Variants in DLG2 observed in about 807,000 individuals in gnomAD.
The protein encoded by DLG2 is disks large homolog 2.
Under a neutral mutation model 132.5 loss-of-function variants are expected in DLG2, and 45 were observed. That is an observed-to-expected ratio of 0.34 (90% confidence interval 0.27 to 0.44). The LOEUF is 0.44. Among genes scored for constraint, DLG2 ranks in the 20% least tolerant of loss-of-function variants. The pLI is 1.00. For synonymous variants in DLG2, 424 were observed against 419.6 expected, an observed-to-expected ratio of 1.01 and a Z score of -0.13; for missense variants, 1,045 against 1,196.9, an observed-to-expected ratio of 0.87 and a Z score of 1.87.
chr11:84,300,773 C>T (rs538992720), intron 7 of DLG2, among the ~76,000 whole-genome samples: 1 of 152,184 alleles, frequency 6.6e-6, no homozygotes, highest in Admixed American at 6.5e-5. Flanking sequence ...AATTTTTAAC[C>T]TATCAAATTA....
chr11:84,995,176 G>C (rs1235847769), intron 6 of DLG2, among the ~76,000 whole-genome samples: 4 of 152,162 alleles, frequency 2.6e-5, no homozygotes, highest in Non-Finnish European at 4.4e-5. Flanking sequence ...TTTATAAATA[G>C]AGTAAGTAAG....
intron 7 of DLG2, among the ~76,000 whole-genome samples, chr11:84,477,314 G>C (rs572918785): frequency 3.9e-5 from 6 of 152,080 alleles, no homozygotes; most frequent in African/African-American, 1.4e-4. Flanking sequence ...GGACAACATG[G>C]AGAAGCCCTG....
rs1447449442 is a variant in DLG2, at chr11:83,654,196, C to G, written c.1826-20871G>C. Among the ~76,000 whole-genome samples, 4 of 152,270 alleles carry G rather than the reference C, an allele frequency of 2.6e-5. No homozygotes were observed. The East Asian group carries it at 5.8e-4, about 22-fold the overall frequency. ...TTCTTTGCCCCCATACAAGATAAAA[C>G]TTTCACCAACCAAGTTAAAGGATGA... On this transcript the variant is annotated intron_variant, in intron 18 of 27. Coordinates refer to ENST00000376104, the MANE Select transcript of DLG2 (RefSeq NM_001142699.3).
At chr11:85,251,542 A>T (rs1382443149) in intron 4 of DLG2, among the ~76,000 whole-genome samples, 1 of 152,166 alleles carries the variant, frequency 6.6e-6, no homozygotes, top group Admixed American at 6.5e-5. Context: ...AAAACACCCT[A>T]AAATTTCACT....
intron 10 of DLG2, among the ~76,000 whole-genome samples, chr11:84,084,305 CT>C (rs1228385207): frequency 2.0e-5 from 3 of 152,132 alleles, no homozygotes; most frequent in African/African-American, 7.2e-5. Context: ...TTTGAGAATT[CT>C]AAAAAGTTTA....
At chr11:84,296,240 CA>C (rs2098086905) in intron 7 of DLG2, among the ~76,000 whole-genome samples, 2 of 151,282 alleles carry the variant, frequency 1.3e-5, no homozygotes, top group African/African-American at 4.9e-5. Flanking sequence ...TTAAAATAAT[CA>C]ATATCGACTC....
rs1245058821 is a variant in DLG2 at position 83,677,792 on chromosome 11, T to C, written c.1826-44467A>G. On this transcript the variant is annotated intron_variant, in intron 18 of 27. Transcript: ENST00000376104. ...TCCTTAGGAGGGTCTTTGTCTCCAA[T>C]GTGACATAAGATGAAAAGGAACTAT... 2.6e-5 allele frequency among the ~76,000 whole-genome samples: 4 copies of C among 152,162 alleles called. No individual in the cohort carries two copies. In the South Asian group the frequency reaches 6.2e-4, roughly 24 times the overall value.
intron 6 of DLG2, among the ~76,000 whole-genome samples, chr11:84,812,597 T>C (rs2076684740): frequency 6.6e-6 from 1 of 152,130 alleles, no homozygotes; most frequent in South Asian, 2.1e-4. Context: ...CATAGCAACG[T>C]AGGAATCTTT....
At chr11:84,701,160 G>A (rs751987004) in intron 6 of DLG2, among the ~76,000 whole-genome samples, 1 of 151,426 alleles carries the variant, frequency 6.6e-6, no homozygotes, top group Non-Finnish European at 1.5e-5. Flanking sequence ...ACAGGCACCT[G>A]TTCCCAAGCC....
intron 4 of DLG2, among the ~76,000 whole-genome samples, chr11:85,161,314 A>G (rs1249082299): frequency 6.6e-6 from 1 of 152,200 alleles, no homozygotes; most frequent in Non-Finnish European, 1.5e-5. Context: ...GAGGTTATAC[A>G]TGGGCTCAGC....
At chr11:85,200,472 T>C (rs756845471) in intron 4 of DLG2, among the ~76,000 whole-genome samples, 6 of 152,300 alleles carry the variant, frequency 3.9e-5, no homozygotes, top group Non-Finnish European at 7.4e-5. Context: ...TGAGCCTGCA[T>C]GAGACTATCA....
At chr11:84,764,406 T>G (rs1023272552) in intron 6 of DLG2, among the ~76,000 whole-genome samples, 2 of 152,162 alleles carry the variant, frequency 1.3e-5, no homozygotes, top group African/African-American at 4.8e-5. Flanking sequence ...GCAGTTGTTC[T>G]AGTCAATATT....
chr11:85,240,545 G>A (rs1174694260), intron 4 of DLG2, among the ~76,000 whole-genome samples: 1 of 151,470 alleles, frequency 6.6e-6, no homozygotes, highest in Non-Finnish European at 1.5e-5. Context: ...GATTTTAAAG[G>A]CTTGTTTCTG....
chr11:83,912,855 T>C (rs1213293996), intron 15 of DLG2, among the ~76,000 whole-genome samples: 1 of 152,156 alleles, frequency 6.6e-6, no homozygotes, highest in East Asian at 1.9e-4. Flanking sequence ...CCATGAGTGC[T>C]GGAATTACAC....
intron 12 of DLG2, among the ~76,000 whole-genome samples, chr11:83,972,159 T>A (rs1160079307): frequency 1.3e-5 from 2 of 152,154 alleles, no homozygotes; most frequent in Non-Finnish European, 2.9e-5. Flanking sequence ...TATTCATATG[T>A]TAAACCTTGC....
chr11:85,367,801 T>A (rs567176141), intron 3 of DLG2, among the ~76,000 whole-genome samples: 1 of 152,280 alleles, frequency 6.6e-6, no homozygotes, highest in African/African-American at 2.4e-5. Context: ...CCTATTTCGG[T>A]TGCATCTTTT....
chr11:84,132,858 T>G (rs950955579), intron 9 of DLG2, among the ~76,000 whole-genome samples: 1 of 152,006 alleles, frequency 6.6e-6, no homozygotes, highest in Non-Finnish European at 1.5e-5. Flanking sequence ...AAACAGCACT[T>G]CAACAGAATT....
intron 9 of DLG2, among the ~76,000 whole-genome samples, chr11:84,150,316 GCTA>G: frequency 6.6e-6 from 1 of 152,030 alleles, no homozygotes; most frequent in East Asian, 1.9e-4. Flanking sequence ...TCTTTTTGTG[GCTA>G]CTACTGTATC....
intron 27 of DLG2, among the ~76,000 whole-genome samples, chr11:83,460,999 GTTTTTTTTTT>G (rs10591072): frequency 2.8e-5 from 3 of 107,072 alleles, no homozygotes; most frequent in Non-Finnish European, 3.7e-5. Context: ...AAGTTCTTGG[GTTTTTTTTTT>G]TTTTTTTTTT....
Sources: allele counts gnomAD v4.1 joint callset (sites outside exome capture counted in the v4.1 genomes callset), GRCh38; gene constraint gnomAD v4.1.1; transcripts MANE v1.5; gene names NCBI Gene and HGNC (gene_info 2026-07-23, HGNC 2026-07-21).